PLCB1: variants seen among roughly 807,000 people sequenced by gnomAD.
PLCB1 encodes 1-phosphatidylinositol 4,5-bisphosphate phosphodiesterase beta-1.
In PLCB1, 46 loss-of-function variants were observed where a neutral mutation model predicts 161.8. That is an observed-to-expected ratio of 0.28 (90% CI 0.22 to 0.36). The LOEUF is 0.36. Ranked by LOEUF, PLCB1 falls within the 10% of genes least tolerant of loss-of-function variation. The probability of loss-of-function intolerance (pLI) is 1.00; values close to 1 mark genes in which losing one functional copy is unlikely to be tolerated. For synonymous variants in PLCB1, 517 were observed against 503.7 expected (o/e 1.03, Z -0.35); for missense variants, 1,016 against 1,472.5 (o/e 0.69, Z 5.07).
chr20:8,158,142 G>A (rs2051582431), intron 2 of PLCB1, among the ~76,000 whole-genome samples: 1 of 152,208 alleles, frequency 6.6e-6, no homozygotes, highest in South Asian at 2.1e-4. Context: ...ATATGTGAAG[G>A]AAATGCATTC....
chr20:8,514,035 A>C (rs1202900912), intron 3 of PLCB1, among the ~76,000 whole-genome samples: 2 of 151,950 alleles, frequency 1.3e-5, no homozygotes, highest in Non-Finnish European at 2.9e-5. Flanking sequence ...AAAATCAAAA[A>C]AGAAGAAGAA....
intron 3 of PLCB1, among the ~76,000 whole-genome samples, chr20:8,373,271 A>G (rs2122351326): frequency 6.6e-6 from 1 of 152,004 alleles, no homozygotes; most frequent in South Asian, 2.1e-4. Context: ...TTTATTGCTG[A>G]TGTTCAAGAA....
At chr20:8,279,379 C>A (rs553554066) in intron 2 of PLCB1, among the ~76,000 whole-genome samples, 1 of 152,068 alleles carries the variant, frequency 6.6e-6, no homozygotes, top group East Asian at 1.9e-4. Context: ...CCAGTCACAA[C>A]GGACAAATAT....
chr20:8,439,541 A>G (rs1711968982), intron 3 of PLCB1, among the ~76,000 whole-genome samples: 1 of 152,206 alleles, frequency 6.6e-6, no homozygotes. Flanking sequence ...GGCTCGTACT[A>G]TTTAGACCAT....
chr20:8,568,650 C>T (rs1986414862), intron 3 of PLCB1, among the ~76,000 whole-genome samples: 1 of 145,968 alleles, frequency 6.9e-6, no homozygotes, highest in Admixed American at 6.7e-5. Context: ...AAGTGAACTG[C>T]TTTATTTTGA....
At chr20:8,716,243 T>C (rs371239848) in intron 12 of PLCB1, 21 bp from the exon 13 acceptor site, 74 of 1,599,584 alleles carry the variant, frequency 4.6e-5, no homozygotes, top group Non-Finnish European at 6.3e-5. Flanking sequence ...CTTTCCTTCT[T>C]CTGTTCTTGT....
chr20:8,775,384 T>C (rs1982894561), intron 27 of PLCB1, among the ~76,000 whole-genome samples: 1 of 152,256 alleles, frequency 6.6e-6, no homozygotes, highest in South Asian at 2.1e-4. Context: ...CAAAATATCC[T>C]TGAAAACAAG....
chr20:8,462,087 T>C (rs1449023108), intron 3 of PLCB1, among the ~76,000 whole-genome samples: 1 of 152,102 alleles, frequency 6.6e-6, no homozygotes, highest in Non-Finnish European at 1.5e-5. Context: ...TATATAAACG[T>C]ATATATGTAT....
At chr20:8,647,992 T>G in intron 6 of PLCB1, 39 bp downstream of exon 6, 2 of 1,402,304 alleles carry the variant, frequency 1.4e-6, no homozygotes, top group South Asian at 2.7e-5. Flanking sequence ...CATTTTATTT[T>G]CCTCAAAGAT....
At chr20:8,657,025 TC>T (rs1054493076) in intron 7 of PLCB1, among the ~76,000 whole-genome samples, 158 bp from the exon 8 acceptor site, 84 of 150,494 alleles carry the variant, frequency 5.6e-4, no homozygotes, top group African/African-American at 2.0e-3. Context: ...TACCCTGACC[TC>T]CTAGAAGAAA....
At chr20:8,673,174 A>C (rs1367227820) in intron 9 of PLCB1, among the ~76,000 whole-genome samples, 2 of 152,248 alleles carry the variant, frequency 1.3e-5, no homozygotes, top group African/African-American at 4.8e-5. Context: ...TCATGAACTC[A>C]GTGGAAAGTG....
chr20:8,376,485 T>A (rs1277243482), intron 3 of PLCB1, among the ~76,000 whole-genome samples: 3 of 152,220 alleles, frequency 2.0e-5, no homozygotes, highest in African/African-American at 7.2e-5. Context: ...TGATATTCAA[T>A]GACAGAAGTC....
intron 3 of PLCB1, among the ~76,000 whole-genome samples, chr20:8,617,399 A>T (rs1202429993): frequency 1.3e-5 from 2 of 152,174 alleles, no homozygotes; most frequent in Non-Finnish European, 1.5e-5. Context: ...TTTTGAGGCT[A>T]TTTATAGTCT....
intron 31 of PLCB1, among the ~76,000 whole-genome samples, chr20:8,812,576 T>C (rs1318248671): frequency 6.6e-6 from 1 of 152,182 alleles, no homozygotes; most frequent in African/African-American, 2.4e-5. Context: ...GCCAGCAGTC[T>C]TGTGTCCATG....
chr20:8,570,520 C>T (rs1600160499), intron 3 of PLCB1, among the ~76,000 whole-genome samples: 1 of 151,876 alleles, frequency 6.6e-6, no homozygotes, highest in African/African-American at 2.4e-5. Context: ...TTTTTATTTA[C>T]TCATTCAGCT....
chr20:8,776,057 C>T (rs13041711), intron 27 of PLCB1, among the ~76,000 whole-genome samples: 49,415 of 151,994 alleles, frequency 0.33, 8,576 homozygotes, highest in East Asian at 0.49. Context: ...CTTTGAGATC[C>T]GGCTATAACC....
chr20:8,657,866 A>G (rs1989508207), intron 8 of PLCB1, among the ~76,000 whole-genome samples: 1 of 152,164 alleles, frequency 6.6e-6, no homozygotes, highest in Non-Finnish European at 1.5e-5. Context: ...ATGACAGAAA[A>G]TCAATACAAA....
intron 3 of PLCB1, among the ~76,000 whole-genome samples, chr20:8,482,715 G>A (rs1224247348): frequency 2.0e-5 from 3 of 152,102 alleles, no homozygotes; most frequent in Non-Finnish European, 2.9e-5. Context: ...TACAAAGGAC[G>A]CAATTTTATA....
At chr20:8,572,896 G>C (rs931895096) in intron 3 of PLCB1, among the ~76,000 whole-genome samples, 1 of 152,116 alleles carries the variant, frequency 6.6e-6, no homozygotes. Context: ...GCTGGTGAAA[G>C]GTCATTTTTG....
Sources: gnomAD v4.1 joint callset for allele counts (sites outside exome capture counted in the v4.1 genomes callset) on GRCh38, gnomAD v4.1.1 for gene constraint, MANE v1.5 for transcripts, NCBI Gene and HGNC (gene_info 2026-07-23, HGNC 2026-07-21) for gene names.